Variants in SBF2 observed in about 807,000 individuals in gnomAD.
The protein encoded by SBF2 is SET binding factor 2.
Under a neutral mutation model 225.2 loss-of-function variants are expected in SBF2, and 112 were observed. The observed-to-expected ratio is 0.50, with a 90% CI of 0.43 to 0.58. SBF2 has a LOEUF of 0.58. Among genes scored for constraint, SBF2 ranks in the 20% least tolerant of loss-of-function variants. SBF2 has a pLI of 0.00. For missense variants in SBF2, 1,996 were observed against 2,206.2 expected, an observed-to-expected ratio of 0.90 and a Z score of 1.91; for synonymous variants, 763 against 773.3, an observed-to-expected ratio of 0.99 and a Z score of 0.22.
chr11:9,781,389 AG>A, intron 39 of SBF2, 117 bp downstream of exon 39: 1 of 1,331,202 alleles, frequency 7.5e-7, no homozygotes, highest in South Asian at 1.2e-5. Context: ...CCCATAGCCA[AG>A]GGGGTCTGTC....
intron 1 of SBF2, among the ~76,000 whole-genome samples, chr11:10,284,625 T>C (rs1424949180): frequency 6.6e-6 from 1 of 151,624 alleles, no homozygotes; most frequent in Non-Finnish European, 1.5e-5. Context: ...CTTGTTCCAT[T>C]ACCCAGGCTG....
chr11:9,929,848 T>A (rs947851029), intron 16 of SBF2, among the ~76,000 whole-genome samples: 3 of 152,224 alleles, frequency 2.0e-5, no homozygotes, highest in African/African-American at 7.2e-5. Flanking sequence ...CAGACATTTA[T>A]GCTACAGGAA....
chr11:10,171,454 T>A (rs1272045912), intron 2 of SBF2, among the ~76,000 whole-genome samples: 1 of 152,208 alleles, frequency 6.6e-6, no homozygotes, highest in Non-Finnish European at 1.5e-5. Flanking sequence ...GGTGTGTGTG[T>A]CTTGAACCAT....
chr11:9,968,405 G>A lies in SBF2; in HGVS notation c.1536C>T (p.Asn512=). The change falls in exon 14 of 40, where the codon AAC becomes AAT. Residue 512 remains asparagine, a synonymous_variant. Coordinates refer to ENST00000256190, the MANE Select transcript of SBF2 (RefSeq NM_030962.4). ...TTCGTGTGGCAGGAGGTGCATTCTGGTTCTTAGCAACATTTTCCTGTATTA... is the reference window on the plus strand; with the variant it reads ...TTCGTGTGGCAGGAGGTGCATTCTGATTCTTAGCAACATTTTCCTGTATTA... ...QELIQENVAK[N]QNAPPATRIE... The A allele has an allele frequency of 6.2e-6, 10 of 1,614,090 alleles. No homozygotes were observed. Among genetic ancestry groups the A allele is most frequent in the Non-Finnish European group, 8.5e-6 (10 of 1,180,014 alleles).
chr11:10,216,577 A>C (rs1172680360), intron 1 of SBF2, among the ~76,000 whole-genome samples: 1 of 152,242 alleles, frequency 6.6e-6, no homozygotes, highest in African/African-American at 2.4e-5. Context: ...AGGATTAAAA[A>C]GTAAAAAGAG....
chr11:10,254,576 T>C (rs994599691), intron 1 of SBF2, among the ~76,000 whole-genome samples: 8 of 150,274 alleles, frequency 5.3e-5, no homozygotes, highest in Non-Finnish European at 1.0e-4. Flanking sequence ...GAAAATGTGG[T>C]ATACATACAC....
chr11:9,869,166 AC>A (rs1249829784), intron 17 of SBF2, among the ~76,000 whole-genome samples: 2 of 152,216 alleles, frequency 1.3e-5, no homozygotes, highest in Non-Finnish European at 2.9e-5. Context: ...TCTAGTGTCT[AC>A]CACAGGTAAC....
At chr11:9,951,945 T>C (rs531514514) in intron 16 of SBF2, among the ~76,000 whole-genome samples, 43 of 152,348 alleles carry the variant, frequency 2.8e-4, no homozygotes, top group Admixed American at 2.5e-3. Context: ...ATGAAGCTTG[T>C]TGAGTGACAG....
intron 10 of SBF2, 82 bp from the exon 11 acceptor site, chr11:9,993,185 T>TATATTCC (rs1275484399): frequency 2.1e-5 from 21 of 996,480 alleles, no homozygotes; most frequent in Non-Finnish European, 3.1e-5. Flanking sequence ...GAAAAGGGCA[T>TATATTCC]ATATTCCAAG....
intron 12 of SBF2, 95 bp downstream of exon 12, chr11:9,992,320 T>C: frequency 1.1e-6 from 1 of 927,164 alleles, no homozygotes; most frequent in Non-Finnish European, 1.6e-6. Context: ...CTAATTTATA[T>C]TTGACTATAT....
At chr11:10,252,752 GCGAGC>G (rs1960484078) in intron 1 of SBF2, among the ~76,000 whole-genome samples, 1 of 39,970 alleles carries the variant, frequency 2.5e-5, no homozygotes, top group South Asian at 7.6e-4. Context: ...GGAGCTTGCA[GCGAGC>G]TTGCAGCGAG....
intron 1 of SBF2, among the ~76,000 whole-genome samples, chr11:10,270,829 TA>T (rs1303455525): frequency 6.6e-6 from 1 of 151,586 alleles, no homozygotes; most frequent in Non-Finnish European, 1.5e-5. Context: ...CCGTCTCTAC[TA>T]AAAAACGGAA....
At chr11:10,243,323 G>A (rs1170194584) in intron 1 of SBF2, among the ~76,000 whole-genome samples, 1 of 151,526 alleles carries the variant, frequency 6.6e-6, no homozygotes. Context: ...TGCAGCAAAA[G>A]CCGTACTAAG....
intron 6 of SBF2, among the ~76,000 whole-genome samples, chr11:10,026,726 A>C (rs1447813670): frequency 6.6e-6 from 1 of 152,140 alleles, no homozygotes; most frequent in Admixed American, 6.6e-5. Flanking sequence ...GTGATGACTA[A>C]GATCCTGTCT....
chr11:9,823,286 T>C (rs772241289), intron 28 of SBF2, among the ~76,000 whole-genome samples: 1 of 152,162 alleles, frequency 6.6e-6, no homozygotes, highest in Non-Finnish European at 1.5e-5. Flanking sequence ...TATTAGGAAC[T>C]CACCAACATG....
At chr11:9,989,677 A>T in intron 12 of SBF2, 82 bp from the exon 13 acceptor site, 1 of 868,998 alleles carries the variant, frequency 1.2e-6, no homozygotes, top group Non-Finnish European at 1.8e-6. Context: ...TACAATTTGC[A>T]AGCCAAAAAA....
chr11:10,230,750 CT>C (rs1271908771), intron 1 of SBF2, among the ~76,000 whole-genome samples: 1 of 152,114 alleles, frequency 6.6e-6, no homozygotes, highest in Admixed American at 6.5e-5. Context: ...ACATTTTTTC[CT>C]TCATTTCAAC....
At position 9,853,631 on chromosome 11, in the gene SBF2, A is replaced by G. The variant is rs1274208448; in HGVS notation, c.2445T>C (p.Val815=). Residue 815 remains valine, a synonymous_variant, in exon 20 of 40, where the codon GTT becomes GTC. Transcript: ENST00000256190. ...CAATAAATCGGGTAATGAACCGCAC[A>G]ACAGAATTGGCAATGTCAGTATTCT... ...DSENTDIANS[V]VRFITRFIDK... is the part of the protein sequence containing the mutation. 6.2e-7 allele frequency: 1 copy of G among 1,613,984 alleles called. No individual in the cohort carries two copies. Among genetic ancestry groups the G allele is most frequent in the Admixed American group, 1.7e-5 (1 of 60,022 alleles).
chr11:9,998,746 G>A (rs899518756), intron 8 of SBF2, among the ~76,000 whole-genome samples: 1 of 152,206 alleles, frequency 6.6e-6, no homozygotes, highest in African/African-American at 2.4e-5. Flanking sequence ...CAATGCCTGG[G>A]AGGATTCTGT....
Sources: gnomAD v4.1 joint callset for allele counts (sites outside exome capture counted in the v4.1 genomes callset) on GRCh38, gnomAD v4.1.1 for gene constraint, MANE v1.5 for transcripts, NCBI Gene and HGNC (gene_info 2026-07-23, HGNC 2026-07-21) for gene names.